Variants in C2orf66 observed in about 807,000 individuals in gnomAD.
The protein encoded by C2orf66 is uncharacterized protein C2orf66.
C2orf66 carries 6 observed loss-of-function variants against 7.0 expected under a neutral mutation model. The observed-to-expected ratio is 0.86, with a 90% CI of 0.47 to 1.69. The LOEUF (loss-of-function observed/expected upper bound fraction) is 1.69. C2orf66 is among the 40% of genes most tolerant of loss of function. The pLI, the probability that C2orf66 is intolerant of heterozygous loss-of-function variation, is 0.01. For missense variants in C2orf66, 107 were observed against 112.0 expected (o/e 0.96, Z 0.20); for synonymous variants, 38 against 43.8 (o/e 0.87, Z 0.52).
At chr2:196,822,908 A>C in the C2orf66 span, among the ~76,000 whole-genome samples, 4 of 152,132 alleles carry the variant, frequency 2.6e-5, no homozygotes, top group East Asian at 7.7e-4. Flanking sequence ...TAGCTGTTAT[A>C]TGTAGGGCAA....
At chr2:196,810,155 C>A (rs989816728), upstream of C2orf66, 7 of 152,188 alleles carry the variant, frequency 4.6e-5, no homozygotes, top group African/African-American at 1.7e-4. Flanking sequence ...GAACCACGAA[C>A]ATTTTATGTG....
chr2:196,822,328 A>C, the C2orf66 span, among the ~76,000 whole-genome samples: 1 of 152,252 alleles, frequency 6.6e-6, no homozygotes, highest in Non-Finnish European at 1.5e-5. Context: ...CACTGTAGGT[A>C]CATAAAATGT....
At chr2:196,813,488 T>C (rs1699895396), upstream of C2orf66, among the ~76,000 whole-genome samples, 1 of 152,086 alleles carries the variant, frequency 6.6e-6, no homozygotes, top group South Asian at 2.1e-4. Context: ...GAAGAAAACC[T>C]AGGCAATACC....
rs1004949559 is a variant in C2orf66, at chr2:196,807,527, G to A, written c.219C>T (p.Leu73=). Reference sequence around the variant, plus strand: ...AAGCAGTAAGTTCTGACTGGAAAGAGAGAGGTCTAGGATTTTCATTCGTGG... The same window carrying A: ...AAGCAGTAAGTTCTGACTGGAAAGAAAGAGGTCTAGGATTTTCATTCGTGG... ...PFPTNENPRP[L]SFQSELTASA... Residue 73 remains leucine (L), a synonymous_variant, in exon 2 of 3, where the codon CTC becomes CTT. Transcript: ENST00000342506. 2 of 1,613,590 alleles carry A rather than the reference G, an allele frequency of 1.2e-6. No individual in the cohort carries two copies. Among genetic ancestry groups the A allele is most frequent in the East Asian group, 4.5e-5 (2 of 44,830 alleles).
the C2orf66 span, among the ~76,000 whole-genome samples, chr2:196,817,814 G>A: frequency 4.4e-4 from 67 of 152,250 alleles, no homozygotes; most frequent in African/African-American, 1.4e-3. Context: ...CTACTTGCAC[G>A]TCCATTTATA....
Position 196,804,937 on chromosome 2 carries a change from A to T in C2orf66, c.*491T>A, listed in dbSNP as rs1164639888. ...AAACTGTGAAGTATTTTGGTAGTGTATGCTGAACATGGGAATGCATCTTCT... is the reference window on the plus strand; with the variant it reads ...AAACTGTGAAGTATTTTGGTAGTGTTTGCTGAACATGGGAATGCATCTTCT... On this transcript the variant is annotated 3_prime_UTR_variant, in exon 3 of 3. Coordinates refer to ENST00000342506, the MANE Select transcript of C2orf66 (RefSeq NM_213608.3). 6.6e-6 allele frequency: 1 copy of T among 152,202 alleles called. No homozygotes were observed. 9.4% of individuals were successfully genotyped at this position (152,202 alleles called of 1,614,324 possible).
upstream of C2orf66, among the ~76,000 whole-genome samples, chr2:196,813,177 G>C (rs1177492533): frequency 1.3e-5 from 2 of 151,988 alleles, no homozygotes; most frequent in East Asian, 3.9e-4. Flanking sequence ...ACTTCAAACT[G>C]TCCTACAAGG....
chr2:196,809,625 C>T, upstream of C2orf66: 1 of 326,060 alleles, frequency 3.1e-6, no homozygotes, highest in Non-Finnish European at 5.5e-6. Context: ...CTGAATATGC[C>T]TTTTTCATCT....
the C2orf66 span, among the ~76,000 whole-genome samples, chr2:196,820,386 C>T: frequency 6.6e-6 from 1 of 152,176 alleles, no homozygotes; most frequent in Admixed American, 6.5e-5. Flanking sequence ...TGAAGAGCAC[C>T]TTGGGATTTC....
At chr2:196,819,298 G>A in the C2orf66 span, among the ~76,000 whole-genome samples, 1 of 152,058 alleles carries the variant, frequency 6.6e-6, no homozygotes, top group African/African-American at 2.4e-5. Flanking sequence ...ATCAGGAGGT[G>A]GAGCCTCTCG....
At chr2:196,811,454 G>C (rs1412372233), upstream of C2orf66, among the ~76,000 whole-genome samples, 3 of 152,170 alleles carry the variant, frequency 2.0e-5, no homozygotes, top group Admixed American at 6.5e-5. Flanking sequence ...ATTATGGGTA[G>C]ATCTGAGAGA....
chr2:196,814,958 T>G, the C2orf66 span, among the ~76,000 whole-genome samples: 3 of 152,064 alleles, frequency 2.0e-5, no homozygotes. Context: ...GTTAAAAAAA[T>G]TAATTCCTTT....
At chr2:196,819,498 C>G in the C2orf66 span, among the ~76,000 whole-genome samples, 40 of 152,326 alleles carry the variant, frequency 2.6e-4, no homozygotes, top group Admixed American at 9.1e-4. Context: ...GATTTCCAGT[C>G]TCCAGAACTG....
At chr2:196,822,532 T>A in the C2orf66 span, among the ~76,000 whole-genome samples, 1 of 152,196 alleles carries the variant, frequency 6.6e-6, no homozygotes, top group African/African-American at 2.4e-5. Context: ...TTCCACCACA[T>A]CCTGACTAAA....
At chr2:196,819,626 G>T in the C2orf66 span, among the ~76,000 whole-genome samples, 19 of 152,120 alleles carry the variant, frequency 1.2e-4, no homozygotes, top group Non-Finnish European at 2.4e-4. Flanking sequence ...TGGTTCACAA[G>T]GTGCTCTCTT....
At chr2:196,810,302 C>T (rs545634035), upstream of C2orf66, 86 of 152,248 alleles carry the variant, frequency 5.6e-4, 1 homozygote, top group African/African-American at 1.8e-3. Context: ...CCTATTAGAA[C>T]GTTCTTTTGG....
At chr2:196,810,710 C>A (rs916638377), upstream of C2orf66, among the ~76,000 whole-genome samples, 1 of 152,186 alleles carries the variant, frequency 6.6e-6, no homozygotes, top group African/African-American at 2.4e-5. Context: ...TCAGTCTTGC[C>A]ATCTTGACCC....
chr2:196,812,972 G>A (rs1047842398), upstream of C2orf66, among the ~76,000 whole-genome samples: 16 of 152,114 alleles, frequency 1.1e-4, no homozygotes, highest in African/African-American at 2.9e-4. Context: ...TCATGGATAG[G>A]AAGAATCAAT....
chr2:196,810,089 T>A (rs1699860521), upstream of C2orf66: 5 of 152,234 alleles, frequency 3.3e-5, no homozygotes, highest in Admixed American at 3.3e-4. Flanking sequence ...GAGTCAGATC[T>A]TCAAGCTTCT....
Sources: allele counts gnomAD v4.1 joint callset (sites outside exome capture counted in the v4.1 genomes callset), GRCh38; gene constraint gnomAD v4.1.1; transcripts MANE v1.5; gene names NCBI Gene and HGNC (gene_info 2026-07-23, HGNC 2026-07-21).